Variants in GID4 observed in about 807,000 individuals in gnomAD.
The protein encoded by GID4 is GID complex subunit 4 homolog, also known as glucose-induced degradation protein 4 homolog.
A neutral mutation model predicts 32.4 loss-of-function variants in GID4; 7 were observed. The ratio of observed to expected loss-of-function variants is 0.22; its 90% CI spans 0.12 to 0.41. The LOEUF (loss-of-function observed/expected upper bound fraction) is 0.41. Among genes scored for constraint, GID4 ranks in the 10% least tolerant of loss-of-function variants. GID4 has a pLI of 1.00. For synonymous variants in GID4, 166 were observed against 170.0 expected, an observed-to-expected ratio of 0.98 and a Z score of 0.18; for missense variants, 309 against 400.0, an observed-to-expected ratio of 0.77 and a Z score of 1.94.
chr17:18,039,766 C>T lies in GID4; in HGVS notation c.302C>T (p.Ala101Val). 6.4e-7 allele frequency: 1 copy of T among 1,570,004 alleles called. No individual in the cohort carries two copies. Among genetic ancestry groups the T allele is most frequent in the Non-Finnish European group, 8.6e-7 (1 of 1,160,498 alleles). Residue 101 changes from alanine to valine, a missense_variant, in exon 1 of 6, where the codon GCG becomes GTG. Ala to Val is a moderately conservative substitution (Grantham distance 64). Transcript: ENST00000268719. The surrounding 1 kb of genome is among the most constrained non-coding windows in gnomAD (Gnocchi z 5.3). Reference sequence around the variant, plus strand: ...CCGGCCGGTGCCTCCGCTGCCTCCGCGGCCTCACTCATCCCGCCGCCGCCC... The same window carrying T: ...CCGGCCGGTGCCTCCGCTGCCTCCGTGGCCTCACTCATCCCGCCGCCGCCC... ...PPPAGASAASAASLIPPPPIN... is the reference protein window; with the variant it reads ...PPPAGASAASVASLIPPPPIN...
intron 5 of GID4, among the ~76,000 whole-genome samples, chr17:18,062,797 C>T (rs1485861988): frequency 2.0e-5 from 3 of 152,160 alleles, no homozygotes; most frequent in South Asian, 2.1e-4. Context: ...AACAGCTGGC[C>T]GGGCACAGTG....
At position 18,066,867 on chromosome 17, in the gene GID4, G is replaced by A. The variant is rs919208664; in HGVS notation, c.*1624G>A. On this transcript the variant is annotated 3_prime_UTR_variant, in exon 6 of 6. Transcript: ENST00000268719. ...TTGGGAAAGTAGCCAGTGGGCACTT[G>A]TGATATCTAAAATCTGTTATCCCAG... The A allele has an allele frequency of 1.3e-5, 2 of 152,284 alleles. No homozygotes were observed. The highest frequency in any genetic ancestry group is 6.5e-5 in the Admixed American group (1 of 15,282). 9.4% of individuals were successfully genotyped at this position (152,284 alleles called of 1,614,324 possible). A position where few individuals can be genotyped will look rare whatever the true frequency, so the allele number is the denominator to read the frequency against.
Position 18,062,885 on chromosome 17 carries a change from C to G in GID4, c.839+910C>G, listed in dbSNP as rs372705117. ...GGTCAGGAGATCGAGACCATCCTGG[C>G]TAACACGGTGAAACCCCGTCTCTAC... On this transcript the variant is annotated intron_variant, in intron 5 of 5. Transcript: ENST00000268719. Among the ~76,000 whole-genome samples, 46 of 150,756 alleles carry G rather than the reference C, an allele frequency of 3.1e-4. No individual in the cohort carries two copies. The East Asian group carries it at 7.6e-3, about 25-fold the overall frequency.
chr17:18,043,417 C>T (rs2044822197), intron 1 of GID4, among the ~76,000 whole-genome samples: 1 of 152,172 alleles, frequency 6.6e-6, no homozygotes, highest in Admixed American at 6.5e-5. Context: ...CTGTGAAACT[C>T]CAAACTATAT....
chr17:18,064,644 T>C (rs1223851677), intron 5 of GID4, among the ~76,000 whole-genome samples: 2 of 152,180 alleles, frequency 1.3e-5, no homozygotes, highest in African/African-American at 2.4e-5. Flanking sequence ...ACCTCAGATA[T>C]CACTAATGTT....
At chr17:18,053,961 G>A (rs540384163) in intron 2 of GID4, among the ~76,000 whole-genome samples, 166 bp from the exon 3 acceptor site, 1 of 152,278 alleles carries the variant, frequency 6.6e-6, no homozygotes, top group East Asian at 1.9e-4. Context: ...CAGGTCCATT[G>A]CCACAGCCTG....
intron 5 of GID4, among the ~76,000 whole-genome samples, chr17:18,063,779 G>T (rs912607788): frequency 6.6e-6 from 1 of 151,866 alleles, no homozygotes; most frequent in Non-Finnish European, 1.5e-5. Flanking sequence ...TCTCGCTCTT[G>T]TCCCCCAGGC....
intron 4 of GID4, among the ~76,000 whole-genome samples, chr17:18,060,608 A>AG (rs1246645991): frequency 6.6e-6 from 1 of 151,732 alleles, no homozygotes; most frequent in Non-Finnish European, 1.5e-5. Context: ...GCTGGAGTGC[A>AG]GTGGCACAGT....
chr17:18,042,457 A>G (rs993900066), intron 1 of GID4, among the ~76,000 whole-genome samples: 1 of 152,232 alleles, frequency 6.6e-6, no homozygotes, highest in Non-Finnish European at 1.5e-5. Context: ...AGGTTCATCC[A>G]TATGGTAATA....
chr17:18,058,994 C>G (rs779032449), intron 4 of GID4, 25 bp downstream of exon 4: 6 of 1,377,258 alleles, frequency 4.4e-6, no homozygotes, highest in Non-Finnish European at 6.2e-6. Flanking sequence ...GGTGGCCCTC[C>G]AGACTCCCAG....
At chr17:18,054,514 C>T (rs1284655126) in intron 3 of GID4, among the ~76,000 whole-genome samples, 1 of 152,158 alleles carries the variant, frequency 6.6e-6, no homozygotes. Flanking sequence ...CAGTGTCCCC[C>T]CATCCTTCCC....
At chr17:18,047,904 C>CTTT (rs1225784333) in intron 2 of GID4, among the ~76,000 whole-genome samples, 1 of 145,826 alleles carries the variant, frequency 6.9e-6, no homozygotes, top group Non-Finnish European at 1.5e-5. Flanking sequence ...TATGTGATAA[C>CTTT]TTTTTTTTTT....
intron 2 of GID4, among the ~76,000 whole-genome samples, chr17:18,053,790 C>G (rs2044938071): frequency 6.6e-6 from 1 of 152,102 alleles, no homozygotes; most frequent in Non-Finnish European, 1.5e-5. Flanking sequence ...TAAAATCTAC[C>G]AAGTTATGAT....
intron 3 of GID4, among the ~76,000 whole-genome samples, chr17:18,055,088 G>A (rs8082590): frequency 0.57 from 85,967 of 151,188 alleles, 25,740 homozygotes; most frequent in Non-Finnish European, 0.68. Flanking sequence ...GGAGAATGGC[G>A]TGAACCCAGG....
At chr17:18,053,113 C>A (rs1441042290) in intron 2 of GID4, among the ~76,000 whole-genome samples, 1 of 138,878 alleles carries the variant, frequency 7.2e-6, no homozygotes, top group East Asian at 2.2e-4. Flanking sequence ...CCTCCAGGTT[C>A]AAGCAATCTC....
At chr17:18,052,664 G>A (rs949856833) in intron 2 of GID4, among the ~76,000 whole-genome samples, 1 of 152,066 alleles carries the variant, frequency 6.6e-6, no homozygotes, top group African/African-American at 2.4e-5. Flanking sequence ...GACTTTTTAC[G>A]GTGTTAACTT....
intron 3 of GID4, among the ~76,000 whole-genome samples, chr17:18,055,037 G>A (rs190479014): frequency 5.6e-4 from 85 of 152,190 alleles, no homozygotes; most frequent in Admixed American, 1.3e-3. Context: ...TGGGCGTGGT[G>A]GTGGGCACCC....
intron 2 of GID4, among the ~76,000 whole-genome samples, chr17:18,052,411 C>G (rs887989912): frequency 8.5e-5 from 13 of 152,182 alleles, no homozygotes; most frequent in Non-Finnish European, 1.5e-4. Context: ...ACACTACATG[C>G]AGGCCAGGTT....
intron 2 of GID4, among the ~76,000 whole-genome samples, chr17:18,051,183 A>T (rs1292002987): frequency 1.3e-5 from 2 of 151,892 alleles, no homozygotes; most frequent in Non-Finnish European, 2.9e-5. Flanking sequence ...TCCCTTTTTT[A>T]AAAATAGAGA....
Sources: allele counts gnomAD v4.1 joint callset (sites outside exome capture counted in the v4.1 genomes callset), GRCh38; gene constraint gnomAD v4.1.1; non-coding constraint Gnocchi (gnomAD v3.1); transcripts MANE v1.5; gene names NCBI Gene and HGNC (gene_info 2026-07-23, HGNC 2026-07-21).